Variants in POU2AF3 observed in about 807,000 individuals in gnomAD.
POU2AF3 encodes the protein cancer susceptibility candidate 13.
chr11:111,298,827 C>CCGCG, the POU2AF3 span: 2 of 631,566 alleles, frequency 3.2e-6, no homozygotes, highest in Non-Finnish European at 4.5e-6. Flanking sequence ...GTACCCCAGG[C>CCGCG]CCCCGCCCGC....
chr11:111,298,826 G>GCGGCGCC, the POU2AF3 span: 1 of 790,962 alleles, frequency 1.3e-6, no homozygotes, highest in Non-Finnish European at 1.7e-6. Flanking sequence ...CGTACCCCAG[G>GCGGCGCC]CCCCCGCCCG....
the POU2AF3 span, chr11:111,299,021 G>A: frequency 1.0e-6 from 1 of 993,394 alleles, no homozygotes; most frequent in Non-Finnish European, 1.2e-6. Flanking sequence ...TGCCCGCGGA[G>A]TCCGGAGCCG....
the POU2AF3 span, among the ~76,000 whole-genome samples, chr11:111,307,134 A>C: frequency 1.3e-5 from 2 of 150,750 alleles, no homozygotes; most frequent in African/African-American, 2.4e-5. Context: ...AAGCACAATA[A>C]CTCATTTGGG....
At chr11:111,308,071 C>A in the POU2AF3 span, 2 of 1,492,858 alleles carry the variant, frequency 1.3e-6, no homozygotes, top group Non-Finnish European at 1.8e-6. Context: ...TTCTCTAGAT[C>A]CCAGGATCAC....
the POU2AF3 span, among the ~76,000 whole-genome samples, chr11:111,306,165 C>T: frequency 6.6e-6 from 1 of 152,090 alleles, no homozygotes; most frequent in Non-Finnish European, 1.5e-5. Context: ...TTATTTTTGC[C>T]CTAACCAGTT....
the POU2AF3 span, chr11:111,300,711 AC>A: frequency 3.2e-5 from 19 of 585,390 alleles, no homozygotes; most frequent in Non-Finnish European, 4.7e-5. Context: ...TCAAGGCCCC[AC>A]GCACTCACCA....
the POU2AF3 span, chr11:111,300,611 C>T: frequency 3.2e-6 from 4 of 1,231,152 alleles, no homozygotes; most frequent in East Asian, 1.3e-4. Context: ...CAGGCGGCCT[C>T]CGGGGGAACC....
the POU2AF3 span, chr11:111,308,539 G>A: frequency 6.4e-6 from 8 of 1,255,578 alleles, no homozygotes; most frequent in East Asian, 2.0e-4. Context: ...AATATCCCAA[G>A]CACAGTTTAC....
the POU2AF3 span, chr11:111,300,499 G>GAAAA: frequency 8.5e-7 from 1 of 1,173,786 alleles, no homozygotes; most frequent in African/African-American, 1.6e-5. Flanking sequence ...CCTTGGACTC[G>GAAAA]ACCACTGACT....
chr11:111,300,670 C>A, the POU2AF3 span: 1 of 1,083,510 alleles, frequency 9.2e-7, no homozygotes, highest in African/African-American at 1.6e-5. Flanking sequence ...AGGCCTCTTT[C>A]AAAGCTGTGT....
chr11:111,302,005 G>A, the POU2AF3 span, among the ~76,000 whole-genome samples: 8 of 152,144 alleles, frequency 5.3e-5, no homozygotes, highest in South Asian at 6.2e-4. Context: ...TTCAGGTAAC[G>A]CATTAACACT....
At chr11:111,303,758 AG>A in the POU2AF3 span, among the ~76,000 whole-genome samples, 1 of 152,206 alleles carries the variant, frequency 6.6e-6, no homozygotes, top group African/African-American at 2.4e-5. Context: ...CTGCCTGCAC[AG>A]CTCTCCCTGT....
At chr11:111,306,291 C>T in the POU2AF3 span, 2 of 551,048 alleles carry the variant, frequency 3.6e-6, no homozygotes, top group Non-Finnish European at 5.7e-6. Flanking sequence ...TGTTAAGCCC[C>T]CTTTCCCCCT....
chr11:111,303,070 A>G, the POU2AF3 span, among the ~76,000 whole-genome samples: 5 of 152,250 alleles, frequency 3.3e-5, no homozygotes, highest in African/African-American at 1.2e-4. Context: ...AGTATCCACA[A>G]TTTAAAATTT....
At chr11:111,300,058 A>C in the POU2AF3 span, 3 of 394,338 alleles carry the variant, frequency 7.6e-6, no homozygotes, top group Admixed American at 4.4e-5. Flanking sequence ...GCTAGTGGGA[A>C]CATCACAGTG....
chr11:111,298,889 C>A, the POU2AF3 span: 16 of 1,135,642 alleles, frequency 1.4e-5, no homozygotes, highest in East Asian at 7.1e-4. Flanking sequence ...GGACCCTGCG[C>A]GCCCAGAAGC....
At chr11:111,308,438 T>C in the POU2AF3 span, 4 of 1,541,416 alleles carry the variant, frequency 2.6e-6, no homozygotes, top group Admixed American at 2.0e-5. Context: ...CTATAGTTAA[T>C]AGAAATTACA....
the POU2AF3 span, chr11:111,299,437 A>G: frequency 4.7e-5 from 49 of 1,038,604 alleles, no homozygotes; most frequent in Non-Finnish European, 5.7e-5. Context: ...CCAGTCCCCA[A>G]CCTACTCACT....
chr11:111,303,335 T>A, the POU2AF3 span, among the ~76,000 whole-genome samples: 1 of 152,254 alleles, frequency 6.6e-6, no homozygotes. Context: ...ACCTTTCTTT[T>A]TTTAAATCAT....
Sources: gnomAD v4.1 joint callset for allele counts (sites outside exome capture counted in the v4.1 genomes callset) on GRCh38, gnomAD v4.1.1 for gene constraint, MANE v1.5 for transcripts, NCBI Gene and HGNC (gene_info 2026-07-23, HGNC 2026-07-21) for gene names.